Variants in GLIS3 observed in about 807,000 individuals in gnomAD.
GLIS3 encodes zinc finger protein GLIS3.
GLIS3 carries 53 observed loss-of-function variants against 78.6 expected under a neutral mutation model. The observed-to-expected ratio is 0.67, with a 90% confidence interval of 0.54 to 0.85. GLIS3 has a LOEUF of 0.85. Among genes scored for constraint, GLIS3 ranks in the 40% least tolerant of loss-of-function variants. The pLI, the probability that GLIS3 is intolerant of heterozygous loss-of-function variation, is 0.00. For synonymous variants in GLIS3, 684 were observed against 509.9 expected (o/e 1.34, Z -4.60); for missense variants, 1,703 against 1,231.1 (o/e 1.38, Z -5.74).
At chr9:3,897,973 G>C (rs1220271127) in intron 7 of GLIS3, among the ~76,000 whole-genome samples, 1 of 152,144 alleles carries the variant, frequency 6.6e-6, no homozygotes, top group African/African-American at 2.4e-5. Flanking sequence ...TAGCATGACT[G>C]TAAGAGTGTT....
the GLIS3 span, among the ~76,000 whole-genome samples, chr9:4,376,615 G>C: frequency 7.4e-6 from 1 of 135,206 alleles, no homozygotes; most frequent in Non-Finnish European, 1.7e-5. Context: ...TAATATGCCA[G>C]TGGGTACTAA....
chr9:4,095,559 A>T (rs368532015), intron 4 of GLIS3, among the ~76,000 whole-genome samples: 10 of 152,320 alleles, frequency 6.6e-5, no homozygotes, highest in African/African-American at 2.2e-4. Flanking sequence ...ATATTAGAAG[A>T]GGAAGAGTCT....
the GLIS3 span, among the ~76,000 whole-genome samples, chr9:4,437,535 G>C: frequency 2.0e-5 from 3 of 152,032 alleles, no homozygotes; most frequent in East Asian, 5.8e-4. Context: ...TTTTACAGAG[G>C]ACAAAACTGT....
At chr9:4,401,497 C>T in the GLIS3 span, among the ~76,000 whole-genome samples, 3 of 151,712 alleles carry the variant, frequency 2.0e-5, no homozygotes, top group East Asian at 3.9e-4. Flanking sequence ...ATCTCAACCT[C>T]GGGTAATCCA....
intron 9 of GLIS3, among the ~76,000 whole-genome samples, chr9:3,852,957 C>T (rs1199799793): frequency 1.3e-5 from 2 of 152,068 alleles, no homozygotes; most frequent in African/African-American, 4.8e-5. Flanking sequence ...ACCTGTAATC[C>T]CAACACTTTG....
chr9:4,263,101 C>T (rs1455925551), intron 2 of GLIS3, among the ~76,000 whole-genome samples: 1 of 152,148 alleles, frequency 6.6e-6, no homozygotes, highest in African/African-American at 2.4e-5. Context: ...AAAAATGTAA[C>T]CCACACTGAA....
the GLIS3 span, among the ~76,000 whole-genome samples, chr9:4,488,894 T>G: frequency 5.4e-4 from 82 of 151,926 alleles, 1 homozygote; most frequent in African/African-American, 1.9e-3. Flanking sequence ...TTTTTGACAG[T>G]CTCGCTCTGT....
chr9:4,158,744 T>C (rs1835233077), intron 2 of GLIS3, among the ~76,000 whole-genome samples: 2 of 152,160 alleles, frequency 1.3e-5, no homozygotes, highest in Admixed American at 6.5e-5. Context: ...AAAGTGCACA[T>C]TGTAGTGGTG....
At chr9:4,033,257 C>G (rs1824003039) in intron 4 of GLIS3, among the ~76,000 whole-genome samples, 1 of 152,116 alleles carries the variant, frequency 6.6e-6, no homozygotes, top group African/African-American at 2.4e-5. Flanking sequence ...ACCCTAAAAT[C>G]TATCTTATAG....
At chr9:4,164,730 G>T (rs1338429216) in intron 2 of GLIS3, among the ~76,000 whole-genome samples, 1 of 152,150 alleles carries the variant, frequency 6.6e-6, no homozygotes. Flanking sequence ...ATATTGGAAA[G>T]CAAAAGATAT....
chr9:4,424,012 T>A, the GLIS3 span, among the ~76,000 whole-genome samples: 25,180 of 152,140 alleles, frequency 0.17, 2,281 homozygotes, highest in Middle Eastern at 0.23. Flanking sequence ...TTGAATGAGG[T>A]CAGGAAAAAG....
the GLIS3 span, among the ~76,000 whole-genome samples, chr9:4,368,114 C>T: frequency 6.6e-6 from 1 of 152,184 alleles, no homozygotes; most frequent in Admixed American, 6.5e-5. Context: ...CATGACTATT[C>T]TCAAATAATG....
intron 4 of GLIS3, among the ~76,000 whole-genome samples, chr9:4,112,262 A>G (rs140877993): frequency 5.4e-4 from 82 of 152,326 alleles, no homozygotes; most frequent in African/African-American, 1.9e-3. Flanking sequence ...TCATTCTAAT[A>G]TCTTATCTCG....
At chr9:4,045,384 G>A (rs1254933048) in intron 4 of GLIS3, among the ~76,000 whole-genome samples, 2 of 152,050 alleles carry the variant, frequency 1.3e-5, no homozygotes, top group African/African-American at 4.8e-5. Context: ...CACCCAGGCT[G>A]GAGTGCAGTG....
chr9:4,100,004 T>C (rs1006948593), intron 4 of GLIS3, among the ~76,000 whole-genome samples: 1 of 152,210 alleles, frequency 6.6e-6, no homozygotes, highest in Non-Finnish European at 1.5e-5. Flanking sequence ...TGGAAATAAT[T>C]AGACCACTCA....
chr9:4,351,106 C>A (rs899557065), upstream of GLIS3, among the ~76,000 whole-genome samples: 2 of 152,108 alleles, frequency 1.3e-5, no homozygotes, highest in East Asian at 3.9e-4. Context: ...GTTTCTTAGA[C>A]CTTAAGGCTG....
At chr9:4,353,148 ACT>A, upstream of GLIS3, among the ~76,000 whole-genome samples, 1 of 152,050 alleles carries the variant, frequency 6.6e-6, no homozygotes, top group Non-Finnish European at 1.5e-5. Flanking sequence ...TTGCTCTGAG[ACT>A]CTGAGAAGTT....
At chr9:4,002,766 G>A (rs185988431) in intron 4 of GLIS3, among the ~76,000 whole-genome samples, 47 of 152,318 alleles carry the variant, frequency 3.1e-4, no homozygotes, top group Non-Finnish European at 5.7e-4. Flanking sequence ...TCTGCTGGGA[G>A]AAAGAAAATG....
At chr9:3,885,702 TTG>T (rs1447094122) in intron 7 of GLIS3, among the ~76,000 whole-genome samples, 2 of 152,222 alleles carry the variant, frequency 1.3e-5, no homozygotes, top group Admixed American at 6.5e-5. Flanking sequence ...GAGTTCAATC[TTG>T]TCTCTTTGTC....
Sources: gnomAD v4.1 joint callset for allele counts (sites outside exome capture counted in the v4.1 genomes callset) on GRCh38, gnomAD v4.1.1 for gene constraint, MANE v1.5 for transcripts, NCBI Gene and HGNC (gene_info 2026-07-23, HGNC 2026-07-21) for gene names.